Variants in USP34 observed in about 807,000 individuals in gnomAD.
USP34 encodes ubiquitin specific peptidase 34.
A neutral mutation model predicts 460.3 loss-of-function variants in USP34; 70 were observed. The ratio of observed to expected loss-of-function variants is 0.15; its 90% CI spans 0.13 to 0.19. USP34 has a LOEUF of 0.19. USP34 is among the 10% of genes least tolerant of loss of function. The pLI is 1.00. For synonymous variants in USP34, 1,647 were observed against 1,405.3 expected (o/e 1.17, Z -3.85); for missense variants, 3,985 against 4,236.2 (o/e 0.94, Z 1.65).
chr2:61,326,777 A>ATT (rs35060068), intron 20 of USP34, among the ~76,000 whole-genome samples: 63 of 103,014 alleles, frequency 6.1e-4, no homozygotes, highest in Middle Eastern at 5.9e-3. Flanking sequence ...GTCAATGGGC[A>ATT]TTTTTTTTTT....
At chr2:61,356,621 A>C (rs961913818) in intron 10 of USP34, among the ~76,000 whole-genome samples, 2 of 152,344 alleles carry the variant, frequency 1.3e-5, no homozygotes, top group African/African-American at 4.8e-5. Flanking sequence ...CAAAAGGACA[A>C]ATATTTAATG....
At chr2:61,313,862 G>C (rs959705275) in intron 25 of USP34, among the ~76,000 whole-genome samples, 3 of 151,958 alleles carry the variant, frequency 2.0e-5, no homozygotes, top group African/African-American at 7.2e-5. Flanking sequence ...AATATCACTT[G>C]TATCACTTCA....
At chr2:61,455,211 G>C (rs567734722) in intron 1 of USP34, among the ~76,000 whole-genome samples, 6 of 151,514 alleles carry the variant, frequency 4.0e-5, no homozygotes, top group Admixed American at 6.6e-5. Context: ...CAGAGTCTCC[G>C]TCTGTCACCC....
Position 61,204,167 on chromosome 2 carries a change from T to G in USP34, c.9384+89A>C, listed in dbSNP as rs1687051960. 1.9e-5 allele frequency: 30 copies of G among 1,546,382 alleles called. No individual in the cohort carries two copies. The South Asian group carries it at 3.0e-4, about 16-fold the overall frequency. On this transcript the variant is annotated intron_variant, in intron 74 of 79. Coordinates refer to ENST00000398571, the MANE Select transcript of USP34 (RefSeq NM_014709.4). The stretch of plus-strand genomic sequence containing the variant: ...CTTAGGATCCACAAAATTGGTCACT[T>G]AAGTCTAACCTATTCATAACTGCCA...
At chr2:61,225,350 C>T (rs1027989196) in intron 62 of USP34, among the ~76,000 whole-genome samples, 1 of 151,880 alleles carries the variant, frequency 6.6e-6, no homozygotes, top group Non-Finnish European at 1.5e-5. Flanking sequence ...ATTACTATTA[C>T]AGTTTAGGAA....
At chr2:61,359,754 G>A (rs1379199516) in intron 10 of USP34, among the ~76,000 whole-genome samples, 1 of 150,048 alleles carries the variant, frequency 6.7e-6, no homozygotes, top group East Asian at 1.9e-4. Context: ...CAGCATAAGA[G>A]GCCATATATG....
chr2:61,293,364 A>T (rs1028907277), intron 33 of USP34, 100 bp downstream of exon 33: 1 of 776,882 alleles, frequency 1.3e-6, no homozygotes, highest in Non-Finnish European at 2.0e-6. Context: ...ATACTTTATT[A>T]TAAGGAACTA....
chr2:61,447,962 T>C (rs556105644), intron 1 of USP34, among the ~76,000 whole-genome samples: 7 of 152,316 alleles, frequency 4.6e-5, no homozygotes, highest in Non-Finnish European at 1.0e-4. Flanking sequence ...GTGATCCACC[T>C]GCCTTGGCCT....
chr2:61,330,794 T>C (rs1457328325), intron 20 of USP34, among the ~76,000 whole-genome samples: 1 of 152,168 alleles, frequency 6.6e-6, no homozygotes, highest in African/African-American at 2.4e-5. Context: ...AATATTTTGA[T>C]GTAATGAGAA....
At chr2:61,372,823 G>T (rs1033458999) in intron 8 of USP34, among the ~76,000 whole-genome samples, 1 of 152,142 alleles carries the variant, frequency 6.6e-6, no homozygotes, top group Non-Finnish European at 1.5e-5. Flanking sequence ...TGCAATGGGG[G>T]TCAAAGTGGG....
chr2:61,321,628 T>C (rs900347790), intron 21 of USP34, among the ~76,000 whole-genome samples: 1 of 152,232 alleles, frequency 6.6e-6, no homozygotes, highest in Non-Finnish European at 1.5e-5. Flanking sequence ...TACAGCCTTT[T>C]ACAAGTATTT....
intron 1 of USP34, among the ~76,000 whole-genome samples, chr2:61,467,365 G>A (rs1695803422): frequency 6.6e-6 from 1 of 151,984 alleles, no homozygotes; most frequent in Non-Finnish European, 1.5e-5. Flanking sequence ...GCCCACGCTG[G>A]TCTCGAACTC....
At chr2:61,376,126 T>C (rs543059687) in intron 8 of USP34, among the ~76,000 whole-genome samples, 16 of 152,174 alleles carry the variant, frequency 1.1e-4, no homozygotes, top group African/African-American at 3.4e-4. Context: ...AATTGGACTG[T>C]GGTGACAGCT....
At chr2:61,204,043 G>GA (rs367894622) in intron 74 of USP34, among the ~76,000 whole-genome samples, 1 of 151,640 alleles carries the variant, frequency 6.6e-6, no homozygotes, top group Non-Finnish European at 1.5e-5. Flanking sequence ...TTTTGAGGGG[G>GA]AAAAAAAACT....
chr2:61,427,825 A>G (rs1284326751), intron 1 of USP34, among the ~76,000 whole-genome samples: 2 of 152,168 alleles, frequency 1.3e-5, no homozygotes, highest in East Asian at 1.9e-4. Context: ...AAAATGAAGC[A>G]TGCCTACGGG....
intron 2 of USP34, among the ~76,000 whole-genome samples, chr2:61,413,292 G>A (rs1453489742): frequency 3.3e-5 from 5 of 152,212 alleles, no homozygotes; most frequent in African/African-American, 4.8e-5. Context: ...TACTCAGGAG[G>A]CTGAGGCAGA....
Position 61,227,118 on chromosome 2 carries a change from T to C in USP34, c.7544A>G (p.Glu2515Gly). 1.2e-6 allele frequency: 2 copies of C among 1,613,836 alleles called. No individual in the cohort carries two copies. The highest frequency in any genetic ancestry group is 1.7e-6 in the Non-Finnish European group (2 of 1,179,962). ...AEEKYRPAALEKMIALVALLV... is the reference protein window; with the variant it reads ...AEEKYRPAALGKMIALVALLV... ...AAGAGCAACTAAAGCTATCATCTTT[T>C]CAAGGGCAGCTGGCCTGTATTTTTC... Residue 2515 changes from glutamate (E) to glycine (G), a missense_variant, in exon 62 of 80, where the codon GAA becomes GGA. By Grantham distance (98) the Glu-to-Gly change is moderately conservative (BLOSUM62 -2). Transcript: ENST00000398571.
chr2:61,220,434 C>T lies in USP34; in HGVS notation c.7923G>A (p.Gln2641=), dbSNP rs370443816. ...TCTGCACTGCCAACCAATCTAGACA[C>T]TGAGAAGGATTGTATTCAATCACCT... ...IWEVIEYNPS[Q]CLDWLAVQTP... Residue 2641 remains glutamine, a synonymous_variant, in exon 67 of 80, where the codon CAG becomes CAA. Coordinates refer to ENST00000398571, the MANE Select transcript of USP34 (RefSeq NM_014709.4). The T allele has an allele frequency of 2.7e-5, 43 of 1,613,266 alleles. No homozygotes were observed. The African/African-American group carries it at 3.9e-4, about 15-fold the overall frequency.
chr2:61,266,187 A>T lies in USP34; in HGVS notation c.5434-20T>A. 1.3e-6 allele frequency: 2 copies of T among 1,595,016 alleles called. No individual in the cohort carries two copies. The highest frequency in any genetic ancestry group is 1.7e-6 in the Non-Finnish European group (2 of 1,165,872). On this transcript the variant is annotated intron_variant, in intron 41 of 79. Transcript: ENST00000398571. ...AAATTCCTGGGGAGTAAAAGGAAAC[A>T]TGTTATCTAAACTGAGATATTAATT...
Sources: gnomAD v4.1 joint callset for allele counts (sites outside exome capture counted in the v4.1 genomes callset) on GRCh38, gnomAD v4.1.1 for gene constraint, MANE v1.5 for transcripts, NCBI Gene and HGNC (gene_info 2026-07-23, HGNC 2026-07-21) for gene names.